Variants in GTF2F2 observed in about 807,000 individuals in gnomAD.
The protein encoded by GTF2F2 is general transcription factor IIF subunit 2.
In GTF2F2, 23 loss-of-function variants were observed where a neutral mutation model predicts 42.2. The observed-to-expected ratio is 0.55, with a 90% CI of 0.39 to 0.77. The LOEUF is 0.77. Among genes scored for constraint, GTF2F2 ranks in the 30% least tolerant of loss-of-function variants. The probability of loss-of-function intolerance (pLI) is 0.00; values close to 1 mark genes in which losing one functional copy is unlikely to be tolerated. For missense variants in GTF2F2, 261 were observed against 287.2 expected, an observed-to-expected ratio of 0.91 and a Z score of 0.66; for synonymous variants, 105 against 100.8, an observed-to-expected ratio of 1.04 and a Z score of -0.25.
intron 4 of GTF2F2, among the ~76,000 whole-genome samples, chr13:45,165,163 T>C (rs1555265744): frequency 6.6e-6 from 1 of 150,510 alleles, no homozygotes; most frequent in Non-Finnish European, 1.5e-5. Context: ...CATTAAGAAA[T>C]AAAGAGAAAT....
intron 7 of GTF2F2, among the ~76,000 whole-genome samples, chr13:45,271,968 T>C (rs983160316): frequency 6.6e-6 from 1 of 152,086 alleles, no homozygotes; most frequent in East Asian, 1.9e-4. Context: ...TACTACTACT[T>C]AATAACTGCT....
intron 5 of GTF2F2, among the ~76,000 whole-genome samples, chr13:45,210,340 C>G (rs1006057061): frequency 6.6e-6 from 1 of 152,156 alleles, no homozygotes; most frequent in Non-Finnish European, 1.5e-5. Context: ...CACACTGCAG[C>G]CTTTGCACAG....
At chr13:45,265,742 C>A (rs1329543894) in intron 6 of GTF2F2, among the ~76,000 whole-genome samples, 2 of 152,106 alleles carry the variant, frequency 1.3e-5, no homozygotes, top group African/African-American at 4.8e-5. Context: ...TATAACAAAT[C>A]TTTATTGTTA....
At chr13:45,265,014 A>C (rs1180477650) in intron 6 of GTF2F2, among the ~76,000 whole-genome samples, 1 of 152,116 alleles carries the variant, frequency 6.6e-6, no homozygotes, top group Non-Finnish European at 1.5e-5. Context: ...TAATCCTAGC[A>C]CTTTGGGAGG....
chr13:45,221,674 C>T (rs1185331103), intron 5 of GTF2F2, among the ~76,000 whole-genome samples: 1 of 152,094 alleles, frequency 6.6e-6, no homozygotes, highest in Non-Finnish European at 1.5e-5. Flanking sequence ...ATGGACCATC[C>T]CTCACAGGTC....
chr13:45,235,999 T>C (rs1029250649), intron 5 of GTF2F2, among the ~76,000 whole-genome samples: 1 of 152,218 alleles, frequency 6.6e-6, no homozygotes, highest in African/African-American at 2.4e-5. Flanking sequence ...AAAGAGGGAC[T>C]GAAAGGAGGT....
intron 5 of GTF2F2, among the ~76,000 whole-genome samples, chr13:45,228,018 A>C (rs910744336): frequency 3.9e-5 from 6 of 152,140 alleles, no homozygotes; most frequent in South Asian, 2.1e-4. Context: ...TTTGGTTGCT[A>C]GTCTGTCTTG....
chr13:45,256,031 G>A (rs1428128378), intron 6 of GTF2F2, among the ~76,000 whole-genome samples: 2 of 152,136 alleles, frequency 1.3e-5, no homozygotes, highest in African/African-American at 2.4e-5. Flanking sequence ...TATTATTTAA[G>A]ATAGGAAAAG....
At chr13:45,121,534 G>A (rs1868632620) in intron 1 of GTF2F2, among the ~76,000 whole-genome samples, 1 of 152,150 alleles carries the variant, frequency 6.6e-6, no homozygotes, top group South Asian at 2.1e-4. Flanking sequence ...TTTCTTGTCG[G>A]CCTTCCTAAA....
At chr13:45,256,350 A>AT (rs1269251247) in intron 6 of GTF2F2, among the ~76,000 whole-genome samples, 1 of 152,170 alleles carries the variant, frequency 6.6e-6, no homozygotes, top group Non-Finnish European at 1.5e-5. Flanking sequence ...TCTGAGATAC[A>AT]TACCCCTGGT....
chr13:45,144,446 C>CT (rs1870088167), intron 2 of GTF2F2, among the ~76,000 whole-genome samples: 1 of 128,232 alleles, frequency 7.8e-6, no homozygotes, highest in African/African-American at 2.9e-5. Flanking sequence ...AGCTTTATTT[C>CT]TTTTTTTGGT....
intron 4 of GTF2F2, among the ~76,000 whole-genome samples, chr13:45,192,619 AAATACACTCATTTAAAGTT>A (rs1250228067): frequency 6.6e-6 from 1 of 152,158 alleles, no homozygotes; most frequent in African/African-American, 2.4e-5. Flanking sequence ...TGCAGGGGGA[AAATACACTCATTTAAAGTT>A]AAGTTTGTAG....
chr13:45,212,238 T>G lies in GTF2F2; in HGVS notation c.386+4733T>G, dbSNP rs908276568. 3.9e-5 allele frequency among the ~76,000 whole-genome samples: 6 copies of G among 152,186 alleles called. No individual in the cohort carries two copies. The South Asian group carries it at 6.2e-4, about 16-fold the overall frequency. The stretch of plus-strand genomic sequence containing the variant: ...TCAGGGCCTCCTTTTGACTGCATAG[T>G]TTTTAGTCATATTCAAGTTTTTTTA... On this transcript the variant is annotated intron_variant, in intron 5 of 7. Coordinates refer to ENST00000340473, the MANE Select transcript of GTF2F2 (RefSeq NM_004128.3).
At chr13:45,238,950 A>G (rs1875142381) in intron 5 of GTF2F2, among the ~76,000 whole-genome samples, 1 of 151,842 alleles carries the variant, frequency 6.6e-6, no homozygotes. Flanking sequence ...ATCTCGAAAA[A>G]AAAAAAAAAA....
chr13:45,120,935 T>A (rs1868598057), intron 1 of GTF2F2, among the ~76,000 whole-genome samples: 1 of 152,214 alleles, frequency 6.6e-6, no homozygotes. Context: ...GTTACTACTC[T>A]GAATCTGCCT....
chr13:45,246,527 G>T (rs1875628365), intron 5 of GTF2F2, among the ~76,000 whole-genome samples: 1 of 152,036 alleles, frequency 6.6e-6, no homozygotes, highest in Non-Finnish European at 1.5e-5. Context: ...CTTTCCTCTG[G>T]ATTGGTACAG....
At chr13:45,149,325 C>A in intron 2 of GTF2F2, among the ~76,000 whole-genome samples, 1 of 150,082 alleles carries the variant, frequency 6.7e-6, no homozygotes. Flanking sequence ...CACTTGTAGA[C>A]CCAGCTACTT....
intron 3 of GTF2F2, 114 bp from the exon 4 acceptor site, chr13:45,151,573 T>C: frequency 3.2e-6 from 2 of 627,314 alleles, no homozygotes; most frequent in Admixed American, 3.4e-5. Context: ...ATAAAGTGTT[T>C]AATGAAATGA....
At chr13:45,278,214 A>G (rs1175887473) in intron 7 of GTF2F2, among the ~76,000 whole-genome samples, 4 of 152,186 alleles carry the variant, frequency 2.6e-5, no homozygotes, top group Admixed American at 6.5e-5. Flanking sequence ...GGTTTGTCTC[A>G]GTCTTGGGGG....
Sources: allele counts gnomAD v4.1 joint callset (sites outside exome capture counted in the v4.1 genomes callset), GRCh38; gene constraint gnomAD v4.1.1; transcripts MANE v1.5; gene names NCBI Gene and HGNC (gene_info 2026-07-23, HGNC 2026-07-21).